Variants in ECM2 observed in about 807,000 individuals in gnomAD.
The protein encoded by ECM2 is extracellular matrix protein 2.
A neutral mutation model predicts 67.5 loss-of-function variants in ECM2; 57 were observed. The ratio of observed to expected loss-of-function variants is 0.84; its 90% CI spans 0.68 to 1.05. ECM2 has a LOEUF of 1.05. Ranked by LOEUF, ECM2 falls within the 50% of genes least tolerant of loss-of-function variation. The pLI, the probability that ECM2 is intolerant of heterozygous loss-of-function variation, is 0.00. For missense variants in ECM2, 741 were observed against 822.8 expected (o/e 0.90, Z 1.22); for synonymous variants, 258 against 294.5 (o/e 0.88, Z 1.27).
At chr9:92,541,191 G>A (rs985497570), upstream of ECM2, among the ~76,000 whole-genome samples, 5 of 152,010 alleles carry the variant, frequency 3.3e-5, no homozygotes, top group African/African-American at 1.2e-4. Flanking sequence ...CCCAGGAGGC[G>A]GAGATTGCAG....
rs1848152332 is a variant in ECM2 at position 92,522,689 on chromosome 9, C to T, written c.178G>A (p.Val60Ile). The part of the protein sequence containing the change: ...NRQLGIQQTT[V>I]FTPVARLPIV... ...GGAAGTCTTGCTACTGGTGTAAAAA[C>T]TGTTGTTTGCTGAATTCCAAGCTGT... Residue 60 changes from valine (V) to isoleucine (I), a missense_variant, in exon 2 of 10, where the codon GTT becomes ATT. Val to Ile is a conservative substitution (Grantham distance 29). Coordinates refer to ENST00000344604, the MANE Select transcript of ECM2 (RefSeq NM_001393.4). The T allele has an allele frequency of 6.2e-7, 1 of 1,614,012 alleles. No homozygotes were observed. Among genetic ancestry groups the T allele is most frequent in the African/African-American group, 1.3e-5 (1 of 74,920 alleles).
the ECM2 span, among the ~76,000 whole-genome samples, chr9:92,546,907 C>G: frequency 1.3e-5 from 2 of 152,160 alleles, no homozygotes; most frequent in Non-Finnish European, 2.9e-5. Context: ...TACCACAGGT[C>G]TCTATATTCT....
chr9:92,545,730 A>G, the ECM2 span, among the ~76,000 whole-genome samples: 1 of 152,180 alleles, frequency 6.6e-6, no homozygotes, highest in African/African-American at 2.4e-5. Context: ...TCTTGAGTCT[A>G]GTGGGGATTT....
At chr9:92,533,321 A>T (rs1563991344) in intron 1 of ECM2, among the ~76,000 whole-genome samples, 1 of 100,766 alleles carries the variant, frequency 9.9e-6, no homozygotes, top group African/African-American at 3.8e-5. Context: ...AAAAAAAAAA[A>T]AAAAAAAATA....
intron 1 of ECM2, among the ~76,000 whole-genome samples, chr9:92,529,700 A>C: frequency 6.6e-6 from 1 of 152,228 alleles, no homozygotes; most frequent in Non-Finnish European, 1.5e-5. Flanking sequence ...ACTAAATGAA[A>C]TAAGCCAACC....
intron 1 of ECM2, among the ~76,000 whole-genome samples, chr9:92,525,210 C>T (rs1295461687): frequency 1.3e-5 from 2 of 151,708 alleles, no homozygotes; most frequent in Non-Finnish European, 2.9e-5. Context: ...CCTAGCTACT[C>T]AGGAGGCTGA....
chr9:92,545,693 A>AATCCAGCTGGGCTC, the ECM2 span, among the ~76,000 whole-genome samples: 17 of 152,318 alleles, frequency 1.1e-4, no homozygotes, highest in African/African-American at 3.8e-4. Flanking sequence ...CCACTGGGTG[A>AATCCAGCTGGGCTC]ATCCAGCTGG....
chr9:92,546,367 C>T, the ECM2 span, among the ~76,000 whole-genome samples: 18 of 152,262 alleles, frequency 1.2e-4, no homozygotes, highest in African/African-American at 4.1e-4. Flanking sequence ...TGTTCTTTTG[C>T]TCTTTGCAAT....
chr9:92,517,515 C>T, intron 3 of ECM2, 172 bp downstream of exon 3: 2 of 831,528 alleles, frequency 2.4e-6, no homozygotes, highest in Non-Finnish European at 1.9e-6. Context: ...TATTTATATC[C>T]CCTACCATAC....
At chr9:92,525,819 G>A (rs1466018154) in intron 1 of ECM2, among the ~76,000 whole-genome samples, 1 of 151,042 alleles carries the variant, frequency 6.6e-6, no homozygotes, top group African/African-American at 2.4e-5. Context: ...AAACCCGGGA[G>A]GCGGAGGTTG....
In ECM2 at chr9:92,500,959, G is replaced by T; in HGVS notation, c.1699C>A (p.Gln567Lys). ...ACATAGCCAGGGATCCGTTCAATCT[G>T]GTTCCCAAGGAGTACTAGGTGCAGC... ...SLLHLVLLGN[Q>K]IERIPGYVFG... Residue 567 changes from glutamine (Q) to lysine (K), a missense_variant, in exon 9 of 10, where the codon CAG becomes AAG. Coordinates refer to ENST00000344604, the MANE Select transcript of ECM2 (RefSeq NM_001393.4). The T allele has an allele frequency of 6.2e-7, 1 of 1,614,170 alleles. No individual in the cohort carries two copies.
intron 6 of ECM2, among the ~76,000 whole-genome samples, chr9:92,508,723 G>A (rs1409786544): frequency 6.6e-6 from 1 of 152,120 alleles, no homozygotes. Flanking sequence ...CTAATCCTCA[G>A]ATTTGGCAAT....
the ECM2 span, among the ~76,000 whole-genome samples, chr9:92,555,449 G>A: frequency 6.6e-6 from 1 of 151,370 alleles, no homozygotes. Flanking sequence ...GGCTGTTCTC[G>A]AACTCCTGAA....
Position 92,525,990 on chromosome 9 carries a change from T to C in ECM2, c.-27-3097A>G, listed in dbSNP as rs529762076. On this transcript the variant is annotated intron_variant, in intron 1 of 9. Coordinates refer to ENST00000344604, the MANE Select transcript of ECM2 (RefSeq NM_001393.4). ...ATATTACTGGTTTATGTATTTACTA[T>C]ACTATACTTTTTATCATTGTTTTAG... is the stretch of plus-strand genomic sequence containing the variant. 5.9e-5 allele frequency among the ~76,000 whole-genome samples: 9 copies of C among 151,982 alleles called. No homozygotes were observed. The East Asian group carries it at 1.7e-3, about 29-fold the overall frequency.
intron 2 of ECM2, among the ~76,000 whole-genome samples, chr9:92,519,935 T>C (rs544502857): frequency 2.6e-5 from 4 of 151,276 alleles, no homozygotes; most frequent in African/African-American, 9.8e-5. Flanking sequence ...ATATCCAGAA[T>C]ATTCATAAAG....
chr9:92,504,688 C>T (rs1275304624), intron 7 of ECM2, among the ~76,000 whole-genome samples: 1 of 152,108 alleles, frequency 6.6e-6, no homozygotes, highest in Non-Finnish European at 1.5e-5. Flanking sequence ...GTGTGCACCA[C>T]CATGACTGGC....
chr9:92,517,662 A>C, intron 3 of ECM2, 25 bp downstream of exon 3: 1 of 1,613,588 alleles, frequency 6.2e-7, no homozygotes, highest in Non-Finnish European at 8.5e-7. Flanking sequence ...ACACACTGAT[A>C]TTTTGCTTAG....
upstream of ECM2, among the ~76,000 whole-genome samples, chr9:92,538,364 A>G (rs1006091919): frequency 3.3e-5 from 5 of 152,238 alleles, no homozygotes; most frequent in Non-Finnish European, 7.3e-5. Context: ...GCATTTTACT[A>G]GAGAACAAAT....
At chr9:92,547,287 T>C in the ECM2 span, among the ~76,000 whole-genome samples, 1 of 152,196 alleles carries the variant, frequency 6.6e-6, no homozygotes, top group Admixed American at 6.5e-5. Flanking sequence ...AACAACATGC[T>C]TCAACTACTA....
Sources: allele counts gnomAD v4.1 joint callset (sites outside exome capture counted in the v4.1 genomes callset), GRCh38; gene constraint gnomAD v4.1.1; transcripts MANE v1.5; gene names NCBI Gene and HGNC (gene_info 2026-07-23, HGNC 2026-07-21).